The following LAMA5 variants were observed in gnomAD, a reference collection of about 807,000 sequenced individuals.
The protein encoded by LAMA5 is laminin subunit alpha 5, also known as laminin subunit alpha-5.
A neutral mutation model predicts 433.4 loss-of-function variants in LAMA5; 260 were observed. That is an observed-to-expected ratio of 0.60 (90% confidence interval 0.54 to 0.66). LAMA5 has a LOEUF of 0.66. LAMA5 is among the 30% of genes least tolerant of loss of function. LAMA5 has a pLI of 0.00. For synonymous variants in LAMA5, 2,620 were observed against 2,226.6 expected, an observed-to-expected ratio of 1.18 and a Z score of -4.97; for missense variants, 5,378 against 5,258.5, an observed-to-expected ratio of 1.02 and a Z score of -0.70.
intron 8 of LAMA5, 42 bp from the exon 9 acceptor site, chr20:62,346,638 C>G: frequency 6.2e-7 from 1 of 1,610,152 alleles, no homozygotes; most frequent in South Asian, 1.1e-5. Context: ...GGTCCCTGCC[C>G]CACCTCAGGG....
At chr20:62,316,526 G>T in intron 57 of LAMA5, 145 bp downstream of exon 57, 1 of 605,022 alleles carries the variant, frequency 1.7e-6, no homozygotes, top group Non-Finnish European at 2.8e-6. Context: ...CAAGCAGCTG[G>T]GGAGCCATCT....
intron 18 of LAMA5, among the ~76,000 whole-genome samples, chr20:62,336,122 G>A (rs759788837): frequency 1.1e-4 from 13 of 114,880 alleles, no homozygotes; most frequent in Admixed American, 9.8e-4. Flanking sequence ...GGGCACACTC[G>A]CAGCCCCCCT....
chr20:62,357,588 G>A (rs1027882854), intron 2 of LAMA5, among the ~76,000 whole-genome samples: 12 of 152,198 alleles, frequency 7.9e-5, no homozygotes, highest in African/African-American at 2.9e-4. Context: ...GTCCGGAAAC[G>A]TGCCCCACAC....
intron 23 of LAMA5, 45 bp downstream of exon 23, chr20:62,333,856 G>GGTGGA (rs71195444): frequency 6.9e-7 from 1 of 1,459,604 alleles, no homozygotes; most frequent in African/African-American, 1.6e-5. Flanking sequence ...GGTGGGGTGG[G>GGTGGA]CTGGGCTGGT....
chr20:62,351,973 C>A lies in LAMA5; in HGVS notation c.794G>T (p.Arg265Leu). Residue 265 changes from arginine to leucine, a missense_variant, in exon 5 of 80, where the codon CGT becomes CTT. Arg to Leu is a moderately radical substitution (Grantham distance 102, BLOSUM62 -2). Coordinates refer to ENST00000252999, the MANE Select transcript of LAMA5 (RefSeq NM_005560.6). ...GAGATGGCCCAGCAGCGTGTTGGTA[C>A]GCAGGAAGCGCAGGCGGACGTTGGT... is the stretch of plus-strand genomic sequence containing the variant. ...KATNVRLRFL[R>L]TNTLLGHLMG... 1 of 1,612,534 alleles carries A rather than the reference C, an allele frequency of 6.2e-7. No homozygotes were observed. Among genetic ancestry groups the A allele is most frequent in the Non-Finnish European group, 8.5e-7 (1 of 1,179,846 alleles).
rs571083737 is a variant in LAMA5 at position 62,330,147 on chromosome 20, T to C, written c.3980-231A>G. Among the ~76,000 whole-genome samples the C allele has an allele frequency of 2.6e-5, 4 of 152,348 alleles. No homozygotes were observed. In the South Asian group the frequency reaches 8.3e-4, roughly 32 times the overall value. On this transcript the variant is annotated intron_variant, in intron 31 of 79. Transcript: ENST00000252999. Reference sequence around the variant, plus strand: ...CACCTCTAGGTACCGGTCAACTCCATGTGCGGGACCCCAGGCTTGGCCGAG... The same window carrying C: ...CACCTCTAGGTACCGGTCAACTCCACGTGCGGGACCCCAGGCTTGGCCGAG...
rs1469642201 is a variant in LAMA5 at position 62,338,559 on chromosome 20, G to A, written c.1527C>T (p.Asp509=). 8.7e-6 allele frequency: 14 copies of A among 1,611,464 alleles called. No individual in the cohort carries two copies. Among genetic ancestry groups the A allele is most frequent in the Non-Finnish European group, 1.2e-5 (14 of 1,179,578 alleles). ...TGCACAGACAGCGTCCCACCCTTGG[G>A]TCCTTCCGGCAGGCGTTGCCCTGGG... ...AGTQGNACRK[D]PRVGRCLCKP... Residue 509 remains aspartate, a synonymous_variant, in exon 12 of 80, where the codon GAC becomes GAT. Coordinates refer to ENST00000252999, the MANE Select transcript of LAMA5 (RefSeq NM_005560.6).
Position 62,334,576 on chromosome 20 carries a change from G to A in LAMA5, c.2528C>T (p.Pro843Leu), listed in dbSNP as rs1981186289. The change falls in exon 21 of 80, where the codon CCG (proline) becomes CTG (leucine). Residue 843 changes from proline to leucine, a missense_variant. Transcript: ENST00000252999. The stretch of plus-strand genomic sequence containing the variant: ...GCGGCACCGGCAGACGCCCGTCCTC[G>A]GTTCACAGCTCTGGCCCAGTGCACC... Reference protein sequence around the residue: ...IGGALGQSCEPRTGVCRCRPN... With the variant: ...IGGALGQSCELRTGVCRCRPN... The A allele has an allele frequency of 2.6e-6, 4 of 1,548,478 alleles. No individual in the cohort carries two copies. The highest frequency in any genetic ancestry group is 2.6e-6 in the Non-Finnish European group (3 of 1,146,774).
Position 62,333,926 on chromosome 20 carries a change from C to T in LAMA5, c.2853G>A (p.Glu951=), listed in dbSNP as rs977103043. The T allele has an allele frequency of 3.1e-6, 5 of 1,608,096 alleles. No individual in the cohort carries two copies. The highest frequency in any genetic ancestry group is 1.3e-5 in the African/African-American group (1 of 74,824). Residue 951 remains glutamate (E), a synonymous_variant, in exon 23 of 80, where the codon GAG becomes GAA. Coordinates refer to ENST00000252999, the MANE Select transcript of LAMA5 (RefSeq NM_005560.6). ...AGTTGGCGCAGGTGGCCGACCTGCC[C>T]TCCTCTCGCACAGAGACCCGCCCGC... ...SVSGRVSVRE[E]GRSATCANCT...
At chr20:62,325,088 G>GGGCAGGCAGATGAGGGGCA in intron 41 of LAMA5, 1 of 285,596 alleles carries the variant, frequency 3.5e-6, no homozygotes, top group Admixed American at 7.7e-5. Context: ...GTGCATGGAG[G>GGGCAGGCAGATGAGGGGCA]GGCAGGCGGA....
At chr20:62,352,191 C>A in intron 4 of LAMA5, 51 bp downstream of exon 4, 1 of 1,564,636 alleles carries the variant, frequency 6.4e-7, no homozygotes, top group South Asian at 1.1e-5. Flanking sequence ...CCTCCCCTAC[C>A]CACCTCTCCG....
Position 62,322,677 on chromosome 20 carries a change from C to T in LAMA5, c.6146G>A (p.Arg2049Gln), listed in dbSNP as rs757455385. 68 of 1,544,094 alleles carry T rather than the reference C, an allele frequency of 4.4e-5. No individual in the cohort carries two copies. The South Asian group carries it at 4.4e-4, about 10-fold the overall frequency. ...CCCTACCTGGCAGCGGTCACAGCGCCGCCCAGTCACGCCCGCCTTGCACAG... is the reference window on the plus strand; with the variant it reads ...CCCTACCTGGCAGCGGTCACAGCGCTGCCCAGTCACGCCCGCCTTGCACAG... ...HCLCKAGVTG[R>Q]RCDRCQEGHF... The change falls in exon 46 of 80, where the codon CGG becomes CAG. Residue 2049 changes from arginine (R) to glutamine (Q), a missense_variant. By Grantham distance (43) the Arg-to-Gln change is conservative. Transcript: ENST00000252999.
At chr20:62,344,131 CG>C (rs1465525717) in intron 11 of LAMA5, among the ~76,000 whole-genome samples, 2 of 114,260 alleles carry the variant, frequency 1.8e-5, no homozygotes, top group Non-Finnish European at 3.5e-5. Flanking sequence ...GTAAAAAGAG[CG>C]AAACTCCATC....
intron 70 of LAMA5, 44 bp downstream of exon 70, chr20:62,311,876 G>A (rs376123594): frequency 2.3e-5 from 36 of 1,575,620 alleles, no homozygotes; most frequent in Middle Eastern, 1.7e-4. Context: ...GCAGGCGGGC[G>A]TCCCTCCAGA....
Position 62,346,734 on chromosome 20 carries a change from C to G in LAMA5, c.1139G>C (p.Ser380Thr). ...CTGATAGGTGCCATCCAGGCTCTGG[C>G]TGGCGCGGCGCCGGTCCACCTCAGG... ...YDPEVDRRRASQSLDGTYQGG... is the reference protein window; with the variant it reads ...YDPEVDRRRATQSLDGTYQGG... The change falls in exon 8 of 80, where the codon AGC becomes ACC. Residue 380 changes from serine (S) to threonine (T), a missense_variant. Physicochemically the swap from Ser to Thr is moderately conservative, Grantham distance 58. Transcript: ENST00000252999. 1 of 1,613,214 alleles carries G rather than the reference C, an allele frequency of 6.2e-7. No homozygotes were observed. The highest frequency in any genetic ancestry group is 1.1e-5 in the South Asian group (1 of 91,066).
chr20:62,309,446 C>CG lies in LAMA5; in HGVS notation c.10977dup (p.Ala3660ArgfsTer72), dbSNP rs1194599837. On this transcript the variant is annotated frameshift_variant, in exon 80 of 80. Transcript: ENST00000252999. LOFTEE classifies it low-confidence loss of function (END_TRUNC). ...AGCCTCCTCATGCAGCCGCAGTAGG[C>CG]GGGGGGCCAGGGCTGCACGGCCATG... is the stretch of plus-strand genomic sequence containing the variant. 2.5e-6 allele frequency: 4 copies of CG among 1,570,908 alleles called. No individual in the cohort carries two copies. The highest frequency in any genetic ancestry group is 2.6e-6 in the Non-Finnish European group (3 of 1,166,468).
Position 62,316,777 on chromosome 20 carries a change from T to C in LAMA5, c.7654-4A>G. The C allele has an allele frequency of 1.2e-6, 2 of 1,601,452 alleles. No homozygotes were observed. The highest frequency in any genetic ancestry group is 1.1e-5 in the South Asian group (1 of 90,032). On this transcript the variant is annotated splice_polypyrimidine_tract_variant and splice_region_variant and intron_variant, in intron 56 of 79. Coordinates refer to ENST00000252999, the MANE Select transcript of LAMA5 (RefSeq NM_005560.6). ...CCAGGCCCTGCCGCACCACCGTCTGTGGATGCCAGGGCAGACCGTGGCTCA... is the reference window on the plus strand; with the variant it reads ...CCAGGCCCTGCCGCACCACCGTCTGCGGATGCCAGGGCAGACCGTGGCTCA...
rs1601335605 is a variant in LAMA5, at chr20:62,327,732, G to C, written c.4798-63C>G. ...CCAGGTGCCTGACCCCGGGTTCCTG[G>C]TACCCACCTGCCAATGGGGATGACT... On this transcript the variant is annotated intron_variant, in intron 36 of 79. Transcript: ENST00000252999. The C allele has an allele frequency of 1.8e-5, 29 of 1,595,804 alleles. No homozygotes were observed. The South Asian group carries it at 3.2e-4, about 18-fold the overall frequency.
chr20:62,314,951 CAG>C lies in LAMA5; in HGVS notation c.8048-6_8048-5del. ...AGCGTCTTCTCCAGGGTGGACACTG[CAG>C]AGAGGGAGACCTGAGACCTTTGCCC... On this transcript the variant is annotated splice_region_variant and splice_polypyrimidine_tract_variant and intron_variant, in intron 59 of 79. Transcript: ENST00000252999. The C allele has an allele frequency of 6.3e-7, 1 of 1,593,830 alleles. No homozygotes were observed. The highest frequency in any genetic ancestry group is 8.5e-7 in the Non-Finnish European group (1 of 1,174,030).
Sources: gnomAD v4.1 joint callset for allele counts (sites outside exome capture counted in the v4.1 genomes callset) on GRCh38, gnomAD v4.1.1 for gene constraint, MANE v1.5 for transcripts, NCBI Gene and HGNC (gene_info 2026-07-23, HGNC 2026-07-21) for gene names.